Variants in EGFR observed in about 807,000 individuals in gnomAD.
The protein encoded by EGFR is epidermal growth factor receptor, also known as avian erythroblastic leukemia viral (v-erb-b) oncogene homolog.
A neutral mutation model predicts 143.0 loss-of-function variants in EGFR; 58 were observed. The ratio of observed to expected loss-of-function variants is 0.41; its 90% CI spans 0.33 to 0.50. EGFR has a LOEUF of 0.50. EGFR is among the 20% of genes least tolerant of loss of function. The pLI is 0.39. For missense variants in EGFR, 1,307 were observed against 1,579.0 expected (o/e 0.83, Z 2.92); for synonymous variants, 613 against 594.4 (o/e 1.03, Z -0.45).
intron 20 of EGFR, among the ~76,000 whole-genome samples, chr7:55,183,291 T>C (rs1453001712): frequency 6.6e-6 from 1 of 152,172 alleles, no homozygotes; most frequent in South Asian, 2.1e-4. Context: ...TGTGAAGTGG[T>C]AGATATATTA....
At chr7:55,109,000 G>C (rs145640458) in intron 1 of EGFR, among the ~76,000 whole-genome samples, 1 of 152,276 alleles carries the variant, frequency 6.6e-6, no homozygotes, top group African/African-American at 2.4e-5. Context: ...ACATTGTGAG[G>C]ACGGTCATTG....
intron 1 of EGFR, among the ~76,000 whole-genome samples, chr7:55,127,897 G>A (rs1191273919): frequency 4.6e-5 from 7 of 152,190 alleles, no homozygotes; most frequent in African/African-American, 7.2e-5. Flanking sequence ...CCCGGGAAAG[G>A]CCACTGGAAA....
intron 1 of EGFR, among the ~76,000 whole-genome samples, chr7:55,071,324 A>G (rs749713218): frequency 2.0e-5 from 3 of 152,278 alleles, no homozygotes; most frequent in Non-Finnish European, 4.4e-5. Context: ...CTTTAGGGGC[A>G]AAAGAAAAGA....
intron 1 of EGFR, among the ~76,000 whole-genome samples, chr7:55,095,964 TACAC>T (rs1791443994): frequency 1.4e-5 from 2 of 140,338 alleles, no homozygotes; most frequent in African/African-American, 2.7e-5. Context: ...CAGACAGACA[TACAC>T]ACAGACACGG....
At chr7:55,160,461 A>G (rs2128941908) in intron 12 of EGFR, 123 bp downstream of exon 12, 1 of 1,074,676 alleles carries the variant, frequency 9.3e-7, no homozygotes, top group East Asian at 2.6e-5. Flanking sequence ...GAAGCAAATT[A>G]AAATCTTAAG....
intron 1 of EGFR, among the ~76,000 whole-genome samples, chr7:55,103,732 T>C (rs1791959220): frequency 6.6e-6 from 1 of 152,214 alleles, no homozygotes; most frequent in Non-Finnish European, 1.5e-5. Flanking sequence ...AAATATGACC[T>C]GTAAAAGACT....
chr7:55,143,169 C>T (rs1794562091), intron 2 of EGFR, 136 bp from the exon 3 acceptor site: 1 of 821,168 alleles, frequency 1.2e-6, no homozygotes. Context: ...CAATCGTCTA[C>T]CTATTTTACA....
intron 4 of EGFR, among the ~76,000 whole-genome samples, chr7:55,149,721 CAT>C (rs1444262029): frequency 9.2e-5 from 14 of 152,136 alleles, no homozygotes; most frequent in African/African-American, 3.1e-4. Context: ...GATGTAGAAA[CAT>C]ATTCTTATAC....
rs1291058704 is a variant in EGFR at position 55,118,254 on chromosome 7, G to A, written c.89-24032G>A. ...ATCTATGTCACCTCTCCAGGACCAC[G>A]GGCACAACCATCACCTGAGGCATGT... On this transcript the variant is annotated intron_variant, in intron 1 of 27. Coordinates refer to ENST00000275493, the MANE Select transcript of EGFR (RefSeq NM_005228.5). 3.9e-5 allele frequency among the ~76,000 whole-genome samples: 6 copies of A among 152,134 alleles called. No homozygotes were observed. The East Asian group carries it at 7.7e-4, about 20-fold the overall frequency.
chr7:55,105,376 A>G (rs1279108719), intron 1 of EGFR, among the ~76,000 whole-genome samples: 2 of 152,208 alleles, frequency 1.3e-5, no homozygotes, highest in South Asian at 4.1e-4. Context: ...GTTGCTTTTT[A>G]TTCTCATTCT....
At position 55,147,303 on chromosome 7, in the gene EGFR, C is replaced by T. The variant is rs532058582; in HGVS notation, c.559+563C>T. Among the ~76,000 whole-genome samples, 7 of 152,328 alleles carry T rather than the reference C, an allele frequency of 4.6e-5. No individual in the cohort carries two copies. In the East Asian group the frequency reaches 5.8e-4, roughly 13 times the overall value. ...TGGGGAAGCCTGGCAGGGAACCAGG[C>T]GCAGGTCAGCGTGGCGCCCTGACTC... On this transcript the variant is annotated intron_variant, in intron 4 of 27. Coordinates refer to ENST00000275493, the MANE Select transcript of EGFR (RefSeq NM_005228.5).
rs1340227793 is a variant in EGFR, at chr7:55,019,059, TCCG to T, written c.-216_-214del. 1.2e-5 allele frequency: 3 copies of T among 260,644 alleles called. No homozygotes were observed. Among genetic ancestry groups the T allele is most frequent in the Non-Finnish European group, 7.1e-6 (1 of 140,886 alleles). 16.1% of individuals were successfully genotyped at this position (260,644 alleles called of 1,614,324 possible). On this transcript the variant is annotated 5_prime_UTR_variant, in exon 1 of 28. Transcript: ENST00000275493. ...CCGGCGCAGCGCGGCCGCAGCAGCC[TCCG>T]CCCCCCGCACGGTGTGAGCGCCCGA...
chr7:55,081,641 C>T (rs1790467464), intron 1 of EGFR, among the ~76,000 whole-genome samples: 1 of 152,148 alleles, frequency 6.6e-6, no homozygotes, highest in Non-Finnish European at 1.5e-5. Context: ...TACCAAATCA[C>T]CCACTAACCC....
intron 3 of EGFR, 78 bp downstream of exon 3, chr7:55,143,566 T>G: frequency 6.6e-7 from 1 of 1,522,200 alleles, no homozygotes; most frequent in South Asian, 1.1e-5. Flanking sequence ...AGCTTGTCAC[T>G]CAATTCCACC....
At chr7:55,111,143 G>A (rs1452708720) in intron 1 of EGFR, among the ~76,000 whole-genome samples, 1 of 152,150 alleles carries the variant, frequency 6.6e-6, no homozygotes, top group Non-Finnish European at 1.5e-5. Flanking sequence ...AGCTGGGTTC[G>A]GGTATCGCGC....
At chr7:55,113,927 C>T (rs1357759035) in intron 1 of EGFR, among the ~76,000 whole-genome samples, 1 of 152,156 alleles carries the variant, frequency 6.6e-6, no homozygotes, top group Non-Finnish European at 1.5e-5. Context: ...AGGCCTCACC[C>T]GACACTCTGA....
chr7:55,054,836 C>T (rs1378274986), intron 1 of EGFR, among the ~76,000 whole-genome samples: 3 of 152,230 alleles, frequency 2.0e-5, no homozygotes, highest in Admixed American at 2.0e-4. Context: ...TGCTCTTTCC[C>T]ATGTTTGTGG....
At chr7:55,082,469 G>T (rs956152400) in intron 1 of EGFR, among the ~76,000 whole-genome samples, 1 of 152,158 alleles carries the variant, frequency 6.6e-6, no homozygotes, top group African/African-American at 2.4e-5. Context: ...AACTCAGTGG[G>T]TGGCATCCAA....
At chr7:55,044,295 G>T (rs938752198) in intron 1 of EGFR, among the ~76,000 whole-genome samples, 5 of 152,202 alleles carry the variant, frequency 3.3e-5, no homozygotes, top group Non-Finnish European at 5.9e-5. Flanking sequence ...TTTGGTAGCA[G>T]CCTGCCCAAG....
Sources: allele counts gnomAD v4.1 joint callset (sites outside exome capture counted in the v4.1 genomes callset), GRCh38; gene constraint gnomAD v4.1.1; transcripts MANE v1.5; gene names NCBI Gene and HGNC (gene_info 2026-07-23, HGNC 2026-07-21).